The following NRG1 variants were observed in gnomAD, a reference collection of about 807,000 sequenced individuals.
NRG1 encodes neuregulin 1, also known as pro-neuregulin-1, membrane-bound isoform.
In NRG1, 18 loss-of-function variants were observed where a neutral mutation model predicts 63.8. The ratio of observed to expected loss-of-function variants is 0.28; its 90% CI spans 0.19 to 0.42. The LOEUF (loss-of-function observed/expected upper bound fraction) is 0.42, where lower values mean the gene tolerates loss of function less well. Ranked by LOEUF, NRG1 falls within the 10% of genes least tolerant of loss-of-function variation. The pLI, the probability that NRG1 is intolerant of heterozygous loss-of-function variation, is 1.00. For missense variants in NRG1, 762 were observed against 814.7 expected (o/e 0.94, Z 0.79); for synonymous variants, 302 against 301.3 (o/e 1.00, Z -0.02).
intron 1 of NRG1, among the ~76,000 whole-genome samples, chr8:32,452,231 G>T (rs921448135): frequency 3.9e-5 from 6 of 152,160 alleles, no homozygotes; most frequent in Non-Finnish European, 8.8e-5. Flanking sequence ...TCTAAATCTA[G>T]TTGAAGGGAT....
intron 1 of NRG1, among the ~76,000 whole-genome samples, chr8:32,306,955 A>C (rs1856256973): frequency 6.6e-6 from 1 of 152,214 alleles, no homozygotes; most frequent in Admixed American, 6.5e-5. Context: ...GCAGGTTTTT[A>C]ATAATGGGCA....
At position 31,821,811 on chromosome 8, in the gene NRG1, G is replaced by A. The variant is rs527342474; in HGVS notation, c.37+182380G>A. ...AGCATGAATTCTCACTTTTCTTAAC[G>A]TCTTTACAGTGTCAAAGGGATATTT... On this transcript the variant is annotated intron_variant, in intron 1 of 10. Transcript: ENST00000519301. Among the ~76,000 whole-genome samples, 8 of 152,092 alleles carry A rather than the reference G, an allele frequency of 5.3e-5. No individual in the cohort carries two copies. The East Asian group carries it at 9.7e-4, about 18-fold the overall frequency.
intron 1 of NRG1, among the ~76,000 whole-genome samples, chr8:32,320,628 G>A (rs1454894890): frequency 2.0e-5 from 3 of 152,136 alleles, no homozygotes; most frequent in African/African-American, 4.8e-5. Flanking sequence ...CACAAGAAAA[G>A]CAAGGGGAAA....
At chr8:32,764,120 C>G (rs1410476998) in exon 12 of NRG1, 1 of 1,614,032 alleles carries the variant, frequency 6.2e-7, no homozygotes, top group South Asian at 1.1e-5. Flanking sequence ...GCCGGCGGGC[C>G]AAAAGAACCA....
chr8:31,805,427 G>A (rs991491156), intron 1 of NRG1, among the ~76,000 whole-genome samples: 1 of 152,086 alleles, frequency 6.6e-6, no homozygotes, highest in African/African-American at 2.4e-5. Flanking sequence ...AAATAGAGTA[G>A]ATAATTATTA....
chr8:31,790,920 T>C (rs919424847), intron 1 of NRG1, among the ~76,000 whole-genome samples: 6 of 152,130 alleles, frequency 3.9e-5, no homozygotes, highest in Non-Finnish European at 7.4e-5. Context: ...GTAGAAAAGA[T>C]AGCAAATAGG....
intron 1 of NRG1, among the ~76,000 whole-genome samples, chr8:32,222,525 C>T (rs1339077579): frequency 6.6e-6 from 1 of 152,162 alleles, no homozygotes; most frequent in African/African-American, 2.4e-5. Context: ...AATCTTGACC[C>T]ACTATAAATC....
At chr8:32,173,107 C>A (rs1840265764) in intron 1 of NRG1, among the ~76,000 whole-genome samples, 1 of 152,286 alleles carries the variant, frequency 6.6e-6, no homozygotes, top group East Asian at 1.9e-4. Context: ...AGGTTACCCA[C>A]AAAGGGAAGC....
intron 1 of NRG1, among the ~76,000 whole-genome samples, chr8:32,346,071 T>A (rs1018371983): frequency 6.8e-6 from 1 of 147,680 alleles, no homozygotes; most frequent in Admixed American, 6.8e-5. Flanking sequence ...ATTTTATATA[T>A]AATATATACT....
At chr8:31,814,932 A>T (rs980954250) in intron 1 of NRG1, among the ~76,000 whole-genome samples, 2 of 151,844 alleles carry the variant, frequency 1.3e-5, no homozygotes, top group African/African-American at 4.8e-5. Context: ...AAAAATGGTA[A>T]TTTTTCTTTC....
chr8:32,630,590 A>T (rs1215753126), intron 5 of NRG1, among the ~76,000 whole-genome samples: 1 of 152,230 alleles, frequency 6.6e-6, no homozygotes, highest in East Asian at 1.9e-4. Context: ...TAACATTCAG[A>T]TCAGTTTTGA....
At chr8:32,667,787 C>T (rs1432478342) in intron 5 of NRG1, among the ~76,000 whole-genome samples, 1 of 152,098 alleles carries the variant, frequency 6.6e-6, no homozygotes, top group Non-Finnish European at 1.5e-5. Flanking sequence ...CACACCCAAA[C>T]TATTTCAAAC....
At chr8:32,631,048 G>A (rs1850199496) in intron 5 of NRG1, among the ~76,000 whole-genome samples, 1 of 152,000 alleles carries the variant, frequency 6.6e-6, no homozygotes, top group Non-Finnish European at 1.5e-5. Context: ...TCTAAACAGG[G>A]CAGACCATAC....
intron 1 of NRG1, among the ~76,000 whole-genome samples, chr8:32,358,454 A>G (rs1381067011): frequency 6.6e-6 from 1 of 151,808 alleles, no homozygotes; most frequent in Non-Finnish European, 1.5e-5. Flanking sequence ...TCCCTGAAGA[A>G]GTGACATTCA....
intron 1 of NRG1, among the ~76,000 whole-genome samples, chr8:32,286,780 T>G (rs1853572560): frequency 6.6e-6 from 1 of 152,134 alleles, no homozygotes; most frequent in Non-Finnish European, 1.5e-5. Context: ...GTGGATCACC[T>G]GAGGTCACGA....
At chr8:32,604,893 T>A (rs1251161585) in intron 2 of NRG1, among the ~76,000 whole-genome samples, 2 of 151,856 alleles carry the variant, frequency 1.3e-5, no homozygotes, top group African/African-American at 2.4e-5. Flanking sequence ...AAAAAGTGAA[T>A]GTTGATGTAA....
intron 5 of NRG1, among the ~76,000 whole-genome samples, chr8:32,720,566 G>A (rs571490476): frequency 6.6e-6 from 1 of 152,266 alleles, no homozygotes; most frequent in South Asian, 2.1e-4. Context: ...ATATGTAGCA[G>A]AACTGTGTTT....
chr8:31,863,476 A>T (rs1828661072), intron 1 of NRG1, among the ~76,000 whole-genome samples: 1 of 152,172 alleles, frequency 6.6e-6, no homozygotes, highest in South Asian at 2.1e-4. Context: ...TCTGCACATC[A>T]CTGAACCTGT....
intron 1 of NRG1, among the ~76,000 whole-genome samples, chr8:31,931,678 A>G (rs568587580): frequency 6.6e-6 from 1 of 152,282 alleles, no homozygotes; most frequent in African/African-American, 2.4e-5. Context: ...CAACTTGTGA[A>G]AGATTAAACC....
Sources: allele counts gnomAD v4.1 joint callset (sites outside exome capture counted in the v4.1 genomes callset), GRCh38; gene constraint gnomAD v4.1.1; transcripts MANE v1.5; gene names NCBI Gene and HGNC (gene_info 2026-07-23, HGNC 2026-07-21).